Variants in NRP2 observed in about 807,000 individuals in gnomAD.
NRP2 encodes the protein neuropilin 2.
In NRP2, 52 loss-of-function variants were observed where a neutral mutation model predicts 110.4. The observed-to-expected ratio is 0.47, with a 90% CI of 0.38 to 0.59. The LOEUF is 0.59. NRP2 is among the 20% of genes least tolerant of loss of function. The pLI, the probability that NRP2 is intolerant of heterozygous loss-of-function variation, is 0.00. For missense variants in NRP2, 1,049 were observed against 1,203.0 expected (o/e 0.87, Z 1.89); for synonymous variants, 508 against 468.9 (o/e 1.08, Z -1.08).
At chr2:205,759,301 G>T (rs1360031860) in intron 12 of NRP2, among the ~76,000 whole-genome samples, 1 of 152,190 alleles carries the variant, frequency 6.6e-6, no homozygotes, top group East Asian at 1.9e-4. Context: ...CTCCATCAGG[G>T]GTAGAAGGAG....
intron 1 of NRP2, among the ~76,000 whole-genome samples, chr2:205,688,222 T>C (rs3821178): frequency 0.032 from 4,877 of 152,314 alleles, 119 homozygotes; most frequent in African/African-American, 0.069. Flanking sequence ...CTTGTAGTGT[T>C]ATTAACATAT....
At chr2:205,778,531 C>T (rs2058134439) in intron 15 of NRP2, 2 of 152,182 alleles carry the variant, frequency 1.3e-5, no homozygotes, top group East Asian at 1.9e-4. Flanking sequence ...CATGTGATGA[C>T]TAATATGCCA....
At chr2:205,710,111 T>C (rs554365886) in intron 2 of NRP2, among the ~76,000 whole-genome samples, 34 of 152,302 alleles carry the variant, frequency 2.2e-4, no homozygotes, top group Non-Finnish European at 4.0e-4. Context: ...CTTACACCCA[T>C]TTTGTGGAAA....
chr2:205,793,271 C>A (rs1387809346), intron 16 of NRP2, among the ~76,000 whole-genome samples: 1 of 152,216 alleles, frequency 6.6e-6, no homozygotes, highest in African/African-American at 2.4e-5. Context: ...GATCTCCATT[C>A]CTGCTTTAAC....
rs757531378 is a variant in NRP2 at position 205,743,296 on chromosome 2, C to G, written c.1385C>G (p.Pro462Arg). 6.2e-7 allele frequency: 1 copy of G among 1,614,170 alleles called. No individual in the cohort carries two copies. Among genetic ancestry groups the G allele is most frequent in the South Asian group, 1.1e-5 (1 of 91,076 alleles). ...ASSTQEYLWS[P>R]SAARLVSSRS... ...TCCACCCAGGAATACCTCTGGAGCC[C>G]CAGTGCAGCCCGCCTGGTTAGCAGC... is the stretch of plus-strand genomic sequence containing the variant. The change falls in exon 9 of 17, where the codon CCC (proline) becomes CGC (arginine). Residue 462 changes from proline to arginine, a missense_variant. By Grantham distance (103) the Pro-to-Arg change is moderately radical. Coordinates refer to ENST00000357785, the MANE Select transcript of NRP2 (RefSeq NM_003872.3).
chr2:205,690,033 C>A (rs115783364), intron 1 of NRP2, among the ~76,000 whole-genome samples: 3 of 152,156 alleles, frequency 2.0e-5, no homozygotes, highest in Admixed American at 6.6e-5. Flanking sequence ...ACGAGGCTGC[C>A]GGCCAGCTGA....
At chr2:205,791,656 T>C (rs2058303249) in intron 15 of NRP2, among the ~76,000 whole-genome samples, 1 of 152,202 alleles carries the variant, frequency 6.6e-6, no homozygotes, top group South Asian at 2.1e-4. Flanking sequence ...ATAGGAAAAA[T>C]AGACTTGGGA....
chr2:205,789,050 C>A (rs1431463269), intron 15 of NRP2, among the ~76,000 whole-genome samples: 1 of 152,186 alleles, frequency 6.6e-6, no homozygotes, highest in African/African-American at 2.4e-5. Context: ...CCCCTCAAAG[C>A]CCTACTCTAT....
At chr2:205,713,238 C>A (rs1011547497) in intron 2 of NRP2, among the ~76,000 whole-genome samples, 1 of 152,176 alleles carries the variant, frequency 6.6e-6, no homozygotes, top group Non-Finnish European at 1.5e-5. Context: ...GGCAGGGCCT[C>A]TCTTTGTCCT....
At chr2:205,765,724 G>T (rs763582623) in intron 14 of NRP2, 154 bp downstream of exon 14, 3 of 770,348 alleles carry the variant, frequency 3.9e-6, no homozygotes, top group African/African-American at 1.7e-5. Context: ...GTGTAGTTGT[G>T]TCTTAGGCTG....
intron 15 of NRP2, among the ~76,000 whole-genome samples, chr2:205,769,539 C>CACACACACACAG (rs1386845022): frequency 2.6e-5 from 4 of 151,264 alleles, no homozygotes; most frequent in Admixed American, 6.6e-5. Context: ...CACACACACA[C>CACACACACACAG]AGACACATTG....
At chr2:205,765,430 T>G in intron 13 of NRP2, 44 bp from the exon 14 acceptor site, 1 of 1,530,076 alleles carries the variant, frequency 6.5e-7, no homozygotes, top group Non-Finnish European at 9.1e-7. Flanking sequence ...CCGTTTGGAC[T>G]AGGAGACTCA....
rs1225481560 is a variant in NRP2 at position 205,740,587 on chromosome 2, G to T, written c.1215G>T (p.Arg405Ser). ...LNKLHAPLLTRFVRIRPQTWH... is the reference protein window; with the variant it reads ...LNKLHAPLLTSFVRIRPQTWH... ...AGCTCCACGCTCCACTGCTGACAAG[G>T]TTTGTTAGAATCCGCCCTCAGACCT... The change falls in exon 8 of 17, where the codon AGG becomes AGT. Residue 405 changes from arginine to serine, a missense_variant. Coordinates refer to ENST00000357785, the MANE Select transcript of NRP2 (RefSeq NM_003872.3). The T allele has an allele frequency of 3.1e-6, 5 of 1,614,104 alleles. No homozygotes were observed. The highest frequency in any genetic ancestry group is 4.2e-6 in the Non-Finnish European group (5 of 1,180,048).
Position 205,724,709 on chromosome 2 carries a change from C to CT in NRP2, c.820+770dup, listed in dbSNP as rs2057093607. 2.4e-5 allele frequency among the ~76,000 whole-genome samples: 3 copies of CT among 124,866 alleles called. No homozygotes were observed. The Admixed American group carries it at 3.1e-4, about 13-fold the overall frequency. 81.9% of individuals were successfully genotyped at this position (124,866 alleles called of 152,430 possible). ...ACAGAGTCTCTCTCTGTTGCCCAGG[C>CT]TGGAGTGCAGTGGCTCAATCTCACT... On this transcript the variant is annotated intron_variant, in intron 5 of 16. Coordinates refer to ENST00000357785, the MANE Select transcript of NRP2 (RefSeq NM_003872.3).
At chr2:205,773,933 CTG>C (rs1274943236) in intron 15 of NRP2, among the ~76,000 whole-genome samples, 1 of 152,186 alleles carries the variant, frequency 6.6e-6, no homozygotes, top group Non-Finnish European at 1.5e-5. Context: ...AAGCTAATCC[CTG>C]AGGATTTATC....
intron 2 of NRP2, among the ~76,000 whole-genome samples, chr2:205,703,276 C>T (rs1559313078): frequency 6.6e-6 from 1 of 152,192 alleles, no homozygotes; most frequent in Admixed American, 6.5e-5. Flanking sequence ...GGACATGAGT[C>T]TCTCACCAAC....
chr2:205,794,135 G>T lies in NRP2; in HGVS notation c.2477-619G>T, dbSNP rs143629900. 7.2e-3 allele frequency among the ~76,000 whole-genome samples: 1,090 copies of T among 152,196 alleles called. 35 individuals carry two copies. The highest frequency in any genetic ancestry group is 4.3e-3 in the Non-Finnish European group (291 of 68,016). On this transcript the variant is annotated intron_variant, in intron 16 of 16. Coordinates refer to ENST00000357785, the MANE Select transcript of NRP2 (RefSeq NM_003872.3). Reference sequence around the variant, plus strand: ...TTATTTATTTATTTTTTTGGAGACGGAGTCTCGCTCTGTCACCCAGGCTGG... The same window carrying T: ...TTATTTATTTATTTTTTTGGAGACGTAGTCTCGCTCTGTCACCCAGGCTGG...
At chr2:205,760,393 T>A (rs777769509) in intron 12 of NRP2, among the ~76,000 whole-genome samples, 1 of 152,182 alleles carries the variant, frequency 6.6e-6, no homozygotes, top group Admixed American at 6.5e-5. Flanking sequence ...TCATAGCACT[T>A]AACAGACAAG....
intron 2 of NRP2, among the ~76,000 whole-genome samples, chr2:205,711,999 A>G (rs1559319075): frequency 6.6e-6 from 1 of 152,154 alleles, no homozygotes; most frequent in Non-Finnish European, 1.5e-5. Flanking sequence ...TTGCTTTTTC[A>G]TATCTCTCCC....
Sources: allele counts gnomAD v4.1 joint callset (sites outside exome capture counted in the v4.1 genomes callset), GRCh38; gene constraint gnomAD v4.1.1; transcripts MANE v1.5; gene names NCBI Gene and HGNC (gene_info 2026-07-23, HGNC 2026-07-21).